The following CSMD1 variants were observed in gnomAD, a reference collection of about 807,000 sequenced individuals.
CSMD1 encodes the protein CUB and Sushi multiple domains 1.
In CSMD1, 213 loss-of-function variants were observed where a neutral mutation model predicts 417.5. The ratio of observed to expected loss-of-function variants is 0.51; its 90% CI spans 0.46 to 0.57. CSMD1 has a LOEUF of 0.57. Ranked by LOEUF, CSMD1 falls within the 20% of genes least tolerant of loss-of-function variation. The probability of loss-of-function intolerance (pLI) is 0.00; values close to 1 mark genes in which losing one functional copy is unlikely to be tolerated. For synonymous variants in CSMD1, 2,862 were observed against 1,736.8 expected (o/e 1.65, Z -16.11); for missense variants, 6,923 against 4,529.7 (o/e 1.53, Z -15.17).
At chr8:3,347,159 C>A (rs1003267330) in intron 22 of CSMD1, among the ~76,000 whole-genome samples, 1 of 152,194 alleles carries the variant, frequency 6.6e-6, no homozygotes, top group Admixed American at 6.5e-5. Context: ...TGTGCTGGGC[C>A]GCATGTGGCC....
rs779157309 is a variant in CSMD1, at chr8:4,420,047, C to T, written c.321G>A (p.Leu107=). The T allele has an allele frequency of 5.7e-6, 9 of 1,569,334 alleles. No homozygotes were observed. The East Asian group carries it at 7.0e-5, about 12-fold the overall frequency. The change falls in exon 3 of 70, where the codon CTG becomes CTA. Residue 107 remains leucine, a synonymous_variant. Coordinates refer to ENST00000635120, the MANE Select transcript of CSMD1 (RefSeq NM_033225.6). ...NLKVRLSGFQ[L]PSSIVSTGSI... Reference sequence around the variant, plus strand: ...ATCCTGTACTCACTATAGAGGAGGGCAGCTGAAATCCCGATAATCTAAATT... The same window carrying T: ...ATCCTGTACTCACTATAGAGGAGGGTAGCTGAAATCCCGATAATCTAAATT...
intron 1 of CSMD1, among the ~76,000 whole-genome samples, chr8:4,954,632 C>A (rs1269021709): frequency 2.0e-5 from 3 of 152,126 alleles, no homozygotes; most frequent in Admixed American, 6.6e-5. Context: ...TAAAATCCTA[C>A]CAAAAGCAAA....
intron 6 of CSMD1, among the ~76,000 whole-genome samples, chr8:3,720,989 T>G (rs551470503): frequency 6.6e-5 from 10 of 151,880 alleles, no homozygotes; most frequent in Non-Finnish European, 1.5e-4. Context: ...CTAATTTATT[T>G]TTTTTGTATT....
chr8:3,312,284 G>C (rs1057268164), intron 23 of CSMD1, among the ~76,000 whole-genome samples: 11 of 152,152 alleles, frequency 7.2e-5, no homozygotes, highest in Non-Finnish European at 4.4e-5. Context: ...ATTTATGGCA[G>C]CGTAGTTTTC....
At chr8:3,982,441 G>C (rs1272969553) in intron 5 of CSMD1, among the ~76,000 whole-genome samples, 2 of 151,894 alleles carry the variant, frequency 1.3e-5, no homozygotes, top group East Asian at 1.9e-4. Flanking sequence ...GGAATTAATA[G>C]AAAGATCTTA....
intron 7 of CSMD1, among the ~76,000 whole-genome samples, chr8:3,672,599 G>A (rs571833835): frequency 3.9e-5 from 6 of 152,246 alleles, no homozygotes; most frequent in Middle Eastern, 3.4e-3. Context: ...TTTACATTTG[G>A]CCATTGTCTA....
chr8:3,461,021 T>A (rs1436864899), intron 12 of CSMD1, among the ~76,000 whole-genome samples: 20 of 152,076 alleles, frequency 1.3e-4, no homozygotes, highest in Admixed American at 1.3e-3. Context: ...GGAAAGCCCG[T>A]TGAGAGGATA....
chr8:3,225,620 G>T (rs541566853), intron 27 of CSMD1, among the ~76,000 whole-genome samples: 4 of 152,236 alleles, frequency 2.6e-5, no homozygotes, highest in African/African-American at 9.6e-5. Context: ...TCAGGGCACT[G>T]GCTACAGGGT....
chr8:4,663,434 G>C (rs1474294872), intron 1 of CSMD1, among the ~76,000 whole-genome samples: 1 of 152,168 alleles, frequency 6.6e-6, no homozygotes, highest in African/African-American at 2.4e-5. Context: ...GAAATCTCAT[G>C]TCCAGTAGTA....
chr8:3,629,599 T>C (rs1396815361), intron 7 of CSMD1, among the ~76,000 whole-genome samples: 1 of 152,222 alleles, frequency 6.6e-6, no homozygotes, highest in Admixed American at 6.5e-5. Context: ...AACTTTAATA[T>C]ACCATGAGTC....
chr8:3,952,806 C>T (rs1340995002), intron 5 of CSMD1, among the ~76,000 whole-genome samples: 3 of 152,112 alleles, frequency 2.0e-5, no homozygotes, highest in East Asian at 3.9e-4. Flanking sequence ...AAGCAATACT[C>T]TCATTAATCA....
chr8:4,946,650 C>T (rs535171906), intron 1 of CSMD1, among the ~76,000 whole-genome samples: 3 of 152,156 alleles, frequency 2.0e-5, no homozygotes, highest in South Asian at 2.1e-4. Context: ...AATCTGACTC[C>T]CGAATTAAAA....
At chr8:4,146,663 G>A (rs1804153473) in intron 3 of CSMD1, among the ~76,000 whole-genome samples, 1 of 128,536 alleles carries the variant, frequency 7.8e-6, no homozygotes, top group East Asian at 2.3e-4. Flanking sequence ...CCAGGCTGGA[G>A]CGCAGTGGTG....
At chr8:4,617,926 C>T (rs1801568181) in intron 2 of CSMD1, among the ~76,000 whole-genome samples, 1 of 152,132 alleles carries the variant, frequency 6.6e-6, no homozygotes, top group Non-Finnish European at 1.5e-5. Flanking sequence ...TGCAATAACA[C>T]TTGTTAATTA....
chr8:3,578,751 T>A (rs569347177), intron 9 of CSMD1, among the ~76,000 whole-genome samples: 1 of 152,160 alleles, frequency 6.6e-6, no homozygotes, highest in South Asian at 2.1e-4. Context: ...GACTGGACAA[T>A]TTCATAGCAT....
chr8:4,162,234 C>T (rs73658587), intron 3 of CSMD1, among the ~76,000 whole-genome samples: 15 of 152,306 alleles, frequency 9.8e-5, no homozygotes, highest in African/African-American at 3.4e-4. Context: ...TACCAGTATT[C>T]ATCTAAGAAA....
At chr8:3,929,205 A>T (rs2129148534) in intron 5 of CSMD1, among the ~76,000 whole-genome samples, 1 of 150,500 alleles carries the variant, frequency 6.6e-6, no homozygotes, top group Middle Eastern at 3.4e-3. Flanking sequence ...TTGCCTCTGC[A>T]CATGGTTTCT....
chr8:4,525,218 A>G (rs1339646840), intron 2 of CSMD1, among the ~76,000 whole-genome samples: 2 of 152,180 alleles, frequency 1.3e-5, no homozygotes, highest in Non-Finnish European at 2.9e-5. Flanking sequence ...AAAAAGGAAG[A>G]AGTGGTCCTT....
intron 3 of CSMD1, among the ~76,000 whole-genome samples, chr8:4,098,324 T>A (rs773206051): frequency 2.6e-5 from 4 of 152,184 alleles, no homozygotes; most frequent in African/African-American, 7.2e-5. Flanking sequence ...AGTATCACAC[T>A]GAGAATAAAT....
Sources: allele counts gnomAD v4.1 joint callset (sites outside exome capture counted in the v4.1 genomes callset), GRCh38; gene constraint gnomAD v4.1.1; transcripts MANE v1.5; gene names NCBI Gene and HGNC (gene_info 2026-07-23, HGNC 2026-07-21).